The following CPNE5 variants were observed in gnomAD, a reference collection of about 807,000 sequenced individuals.
The protein encoded by CPNE5 is copine-5.
A neutral mutation model predicts 81.1 loss-of-function variants in CPNE5; 42 were observed. That is an observed-to-expected ratio of 0.52 (90% confidence interval 0.40 to 0.67). The LOEUF is 0.67. CPNE5 is among the 30% of genes least tolerant of loss of function. CPNE5 has a pLI of 0.00. For missense variants in CPNE5, 612 were observed against 815.5 expected (o/e 0.75, Z 3.04); for synonymous variants, 313 against 321.5 (o/e 0.97, Z 0.28).
intron 10 of CPNE5, among the ~76,000 whole-genome samples, chr6:36,767,490 C>T (rs564754005): frequency 2.0e-5 from 3 of 152,206 alleles, no homozygotes; most frequent in Admixed American, 6.5e-5. Flanking sequence ...TCCAGGACTT[C>T]GGTCATGGCC....
chr6:36,743,249 G>C, intron 20 of CPNE5: 1 of 985,278 alleles, frequency 1.0e-6, no homozygotes, highest in South Asian at 4.7e-5. Flanking sequence ...TGAGGACAAA[G>C]GTCTTTCTGC....
intron 20 of CPNE5, chr6:36,743,367 T>C: frequency 2.1e-6 from 1 of 475,808 alleles, no homozygotes; most frequent in Non-Finnish European, 2.7e-6. Flanking sequence ...GCCTCAGCCT[T>C]CAAGGGGCAG....
At chr6:36,760,577 T>G (rs1414607865) in intron 12 of CPNE5, among the ~76,000 whole-genome samples, 1 of 151,776 alleles carries the variant, frequency 6.6e-6, no homozygotes, top group Non-Finnish European at 1.5e-5. Context: ...TCAGAAAACA[T>G]GGGTGGTAGG....
At chr6:36,751,941 G>A (rs901759869) in intron 14 of CPNE5, among the ~76,000 whole-genome samples, 2 of 152,168 alleles carry the variant, frequency 1.3e-5, no homozygotes, top group Non-Finnish European at 2.9e-5. Flanking sequence ...TGGGGGAAGA[G>A]TGCAAAGGCG....
At chr6:36,834,285 A>AAGGG (rs1187594447) in intron 1 of CPNE5, among the ~76,000 whole-genome samples, 8 of 91,522 alleles carry the variant, frequency 8.7e-5, no homozygotes, top group African/African-American at 1.4e-4. Context: ...AAAAGGAAGG[A>AAGGG]AGGGAGGGAG....
In CPNE5 at chr6:36,839,314, C is replaced by G. The variant is rs918675982; in HGVS notation, c.64G>C (p.Ala22Pro). Residue 22 changes from alanine (A) to proline (P), a missense_variant, in exon 1 of 21, where the codon GCC (alanine) becomes CCC (proline). Ala to Pro is a conservative substitution (Grantham distance 27). Transcript: ENST00000244751. This position sits in a 1 kb window ranked among gnomAD's most constrained non-coding sequence, Gnocchi z 7.3. Reference sequence around the variant, plus strand: ...GACACGGTGATCTCCACCTTGGTGGCCGGGATGCTGCCCGCCAAGGAGTCG... The same window carrying G: ...GACACGGTGATCTCCACCTTGGTGGGCGGGATGCTGCCCGCCAAGGAGTCG... ...EFDSLAGSIP[A>P]TKVEITVSCR... is the part of the protein sequence containing the mutation. The G allele has an allele frequency of 6.5e-7, 1 of 1,550,024 alleles. No individual in the cohort carries two copies. The highest frequency in any genetic ancestry group is 8.7e-7 in the Non-Finnish European group (1 of 1,146,314).
intron 8 of CPNE5, among the ~76,000 whole-genome samples, chr6:36,787,488 T>C (rs1214083548): frequency 6.6e-6 from 1 of 151,716 alleles, no homozygotes; most frequent in African/African-American, 2.4e-5. Flanking sequence ...TATTGGCATA[T>C]TACATAGTAT....
At position 36,810,053 on chromosome 6, in the gene CPNE5, T is replaced by C. The variant is rs574053031; in HGVS notation, c.184-9983A>G. Among the ~76,000 whole-genome samples the C allele has an allele frequency of 3.3e-5, 5 of 151,878 alleles. No individual in the cohort carries two copies. In the South Asian group the frequency reaches 8.4e-4, roughly 25 times the overall value. On this transcript the variant is annotated intron_variant, in intron 3 of 20. Coordinates refer to ENST00000244751, the MANE Select transcript of CPNE5 (RefSeq NM_020939.2). ...GAGAAGCCCTCCCAGAGGCAACCCA[T>C]GGTGGGCGAGGAAGGGCCGGGACTC...
At chr6:36,788,235 G>C (rs543917290) in intron 8 of CPNE5, among the ~76,000 whole-genome samples, 1 of 151,562 alleles carries the variant, frequency 6.6e-6, no homozygotes, top group African/African-American at 2.4e-5. Flanking sequence ...TCGGGGGGGG[G>C]TCTCACTATG....
intron 1 of CPNE5, among the ~76,000 whole-genome samples, chr6:36,825,691 C>T (rs147245239): frequency 0.012 from 1,757 of 152,278 alleles, 16 homozygotes; most frequent in Middle Eastern, 0.02. Context: ...TCATTCACAC[C>T]GAGGCGGGCT....
chr6:36,823,397 G>T (rs1310084013), intron 1 of CPNE5, among the ~76,000 whole-genome samples: 2 of 152,098 alleles, frequency 1.3e-5, no homozygotes, highest in Non-Finnish European at 2.9e-5. Flanking sequence ...TCACCATCGG[G>T]GGATTTCCGA....
chr6:36,804,958 G>A (rs1024525487), intron 3 of CPNE5, among the ~76,000 whole-genome samples: 2 of 152,134 alleles, frequency 1.3e-5, no homozygotes, highest in Non-Finnish European at 2.9e-5. Context: ...TCCACAATCT[G>A]GGGACTTACT....
rs115671897 is a variant in CPNE5 at position 36,795,507 on chromosome 6, A to C, written c.405-858T>G. The stretch of plus-strand genomic sequence containing the variant: ...AGATAGGGTCTTTAAGGAGGTAATT[A>C]AGGTAAAATGAGGTCATGGCAGTGG... On this transcript the variant is annotated intron_variant, in intron 6 of 20. Coordinates refer to ENST00000244751, the MANE Select transcript of CPNE5 (RefSeq NM_020939.2). Among the ~76,000 whole-genome samples the C allele has an allele frequency of 3.1e-3, 473 of 152,200 alleles. 5 individuals are homozygous for C. The highest frequency in any genetic ancestry group is 0.011 in the African/African-American group (450 of 41,544).
intron 7 of CPNE5, among the ~76,000 whole-genome samples, chr6:36,792,897 C>T (rs1314819611): frequency 6.6e-6 from 1 of 152,138 alleles, no homozygotes; most frequent in African/African-American, 2.4e-5. Flanking sequence ...TAGTCAGGGG[C>T]CACTGGGAGG....
intron 9 of CPNE5, 81 bp downstream of exon 9, chr6:36,778,773 G>T: frequency 1.0e-6 from 1 of 961,234 alleles, no homozygotes; most frequent in South Asian, 1.5e-5. Flanking sequence ...CACCCTGCCT[G>T]GCAAGTCACC....
intron 14 of CPNE5, among the ~76,000 whole-genome samples, chr6:36,752,804 G>T (rs1023929729): frequency 3.3e-5 from 5 of 152,224 alleles, no homozygotes; most frequent in Non-Finnish European, 5.9e-5. Flanking sequence ...CATGACCCAG[G>T]CCAGCCTCCT....
chr6:36,744,598 C>G, intron 18 of CPNE5: 1 of 530,360 alleles, frequency 1.9e-6, no homozygotes, highest in South Asian at 2.4e-5. Context: ...CCCATCCCCT[C>G]TTACAGGGAG....
intron 13 of CPNE5, among the ~76,000 whole-genome samples, chr6:36,753,331 G>C (rs754990792): frequency 2.0e-5 from 3 of 152,236 alleles, no homozygotes; most frequent in Non-Finnish European, 4.4e-5. Context: ...GGCAGAGAAG[G>C]GATCTGAAAC....
chr6:36,769,786 G>A (rs1766900759), intron 10 of CPNE5, among the ~76,000 whole-genome samples: 1 of 152,170 alleles, frequency 6.6e-6, no homozygotes, highest in African/African-American at 2.4e-5. Context: ...GCCCTTCATC[G>A]AGGCCATCTG....
Sources: allele counts gnomAD v4.1 joint callset (sites outside exome capture counted in the v4.1 genomes callset), GRCh38; gene constraint gnomAD v4.1.1; non-coding constraint Gnocchi (gnomAD v3.1); transcripts MANE v1.5; gene names NCBI Gene and HGNC (gene_info 2026-07-23, HGNC 2026-07-21).